The following BMS1 variants were observed in gnomAD, a reference collection of about 807,000 sequenced individuals.
BMS1 encodes BMS1 ribosome biogenesis factor, also known as ribosome biogenesis protein BMS1 homolog.
Under a neutral mutation model 138.7 loss-of-function variants are expected in BMS1, and 53 were observed. The ratio of observed to expected loss-of-function variants is 0.38; its 90% CI spans 0.31 to 0.48. BMS1 has a LOEUF of 0.48. Ranked by LOEUF, BMS1 falls within the 20% of genes least tolerant of loss-of-function variation. The pLI is 0.97. For synonymous variants in BMS1, 504 were observed against 539.9 expected (o/e 0.93, Z 0.92); for missense variants, 1,360 against 1,565.5 (o/e 0.87, Z 2.22).
chr10:42,817,362 C>T lies in BMS1; in HGVS notation c.2448C>T (p.Asp816=), dbSNP rs764802023. 3.5e-5 allele frequency: 56 copies of T among 1,607,404 alleles called. No individual in the cohort carries two copies. Among genetic ancestry groups the T allele is most frequent in the Non-Finnish European group, 4.2e-5 (50 of 1,178,478 alleles). Residue 816 remains aspartate, a synonymous_variant, in exon 15 of 23, where the codon GAC becomes GAT. Coordinates refer to ENST00000374518, the MANE Select transcript of BMS1 (RefSeq NM_014753.4). ...AAGTTAAGGAAGAAATTGACCCCGA[C>T]GAAGAAGAAAGTGCCAAGAAAAAGC... The part of the protein sequence containing the change: ...EKEVKEEIDP[D]EEESAKKKHL...
chr10:42,825,123 C>T (rs564856225), intron 21 of BMS1, among the ~76,000 whole-genome samples: 142 of 152,154 alleles, frequency 9.3e-4, no homozygotes, highest in Non-Finnish European at 1.9e-3. Context: ...ATTCTCCTGC[C>T]TCAGCCTCCC....
intron 20 of BMS1, 58 bp from the exon 21 acceptor site, chr10:42,823,551 G>A (rs1405679105): frequency 3.5e-6 from 5 of 1,414,702 alleles, no homozygotes; most frequent in African/African-American, 1.4e-5. Context: ...TTGTTTCTTC[G>A]CAATATGGAT....
At chr10:42,827,424 A>G (rs1482841522) in intron 21 of BMS1, among the ~76,000 whole-genome samples, 3 of 152,186 alleles carry the variant, frequency 2.0e-5, no homozygotes, top group Non-Finnish European at 2.9e-5. Context: ...GGTGATATAG[A>G]GCAACAAAGC....
chr10:42,797,427 C>T lies in BMS1; in HGVS notation c.1993C>T (p.Leu665Phe). The T allele has an allele frequency of 6.2e-7, 1 of 1,614,128 alleles. No individual in the cohort carries two copies. The highest frequency in any genetic ancestry group is 8.5e-7 in the Non-Finnish European group (1 of 1,180,012). ...NNDSKETSGA[L>F]KWKEDLSRKA... ...GTTGGCATTGGTCGTTTCAGGTGCC[C>T]TCAAGTGGAAGGAAGACCTTTCCAG... Residue 665 changes from leucine (L) to phenylalanine (F), a missense_variant, in exon 11 of 23, where the codon CTC becomes TTC. By Grantham distance (22) the Leu-to-Phe change is conservative (BLOSUM62 0). This residue lies in a region of BMS1 where 697 missense variants were observed against 686.2 expected (regional missense o/e 1.02). Transcript: ENST00000374518.
intron 15 of BMS1, 38 bp from the exon 16 acceptor site, chr10:42,820,198 A>G: frequency 2.5e-6 from 4 of 1,601,588 alleles, no homozygotes; most frequent in Non-Finnish European, 3.4e-6. Flanking sequence ...TATTACAGAT[A>G]ACAGCATACA....
At position 42,831,047 on chromosome 10, in the gene BMS1, G is replaced by A; in HGVS notation, c.3800G>A (p.Arg1267Lys). Reference sequence around the variant, plus strand: ...TTCAGAATTCAGGGGCAGAAGGAAAGAAGAAACCAGAAGTCCAGTTTGAAG... The same window carrying A: ...TTCAGAATTCAGGGGCAGAAGGAAAAAAGAAACCAGAAGTCCAGTTTGAAG... ...KLFRIQGQKERRNQKSSLKGA... is the reference protein window; with the variant it reads ...KLFRIQGQKEKRNQKSSLKGA... The change falls in exon 23 of 23, where the codon AGA becomes AAA. Residue 1267 changes from arginine to lysine, a missense_variant. Arg to Lys is a conservative substitution (Grantham distance 26). This residue lies in a region of BMS1 where 425 missense variants were observed against 568.3 expected (regional missense o/e 0.75). Transcript: ENST00000374518. The A allele has an allele frequency of 6.3e-7, 1 of 1,582,080 alleles. No homozygotes were observed. The highest frequency in any genetic ancestry group is 8.6e-7 in the Non-Finnish European group (1 of 1,162,620).
Position 42,834,377 on chromosome 10 carries a change from G to A in BMS1, c.*3281G>A, listed in dbSNP as rs1268902785. On this transcript the variant is annotated 3_prime_UTR_variant, in exon 23 of 23. Coordinates refer to ENST00000374518, the MANE Select transcript of BMS1 (RefSeq NM_014753.4). The stretch of plus-strand genomic sequence containing the variant: ...CTGATTCAGCTCTCTGGAGGCTCCA[G>A]AGCTTACCTCGCTGATGGGAAAAAG... 7.1e-6 allele frequency: 1 copy of A among 141,476 alleles called. No individual in the cohort carries two copies. The highest frequency in any genetic ancestry group is 1.5e-5 in the Non-Finnish European group (1 of 66,068). The allele number at this position is 141,476 out of a possible 1,614,324, so 8.8% of individuals were successfully genotyped here. A position where few individuals can be genotyped will look rare whatever the true frequency, so the allele number is the denominator to read the frequency against.
intron 13 of BMS1, among the ~76,000 whole-genome samples, chr10:42,813,022 T>G (rs951109449): frequency 6.6e-6 from 1 of 152,158 alleles, no homozygotes; most frequent in African/African-American, 2.4e-5. Context: ...AAATTTTAGA[T>G]CTTAAAATTC....
Position 42,797,519 on chromosome 10 carries a change from G to C in BMS1, c.2085G>C (p.Gly695=). The C allele has an allele frequency of 6.2e-7, 1 of 1,613,928 alleles. No homozygotes were observed. The highest frequency in any genetic ancestry group is 1.7e-4 in the Middle Eastern group (1 of 6,060). The part of the protein sequence containing the change: ...AAPNLRKLIY[G]TVTEDNEEED... ...CAAACCTCCGAAAGCTTATTTATGGGACAGGTAAAGAATTCTGGTTCAGAA... is the reference window on the plus strand; with the variant it reads ...CAAACCTCCGAAAGCTTATTTATGGCACAGGTAAAGAATTCTGGTTCAGAA... Residue 695 remains glycine, a synonymous_variant, in exon 11 of 23, where the codon GGG becomes GGC. Coordinates refer to ENST00000374518, the MANE Select transcript of BMS1 (RefSeq NM_014753.4).
rs1474420450 is a variant in BMS1 at position 42,793,841 on chromosome 10, G to A, written c.1090-11G>A. The A allele has an allele frequency of 6.2e-7, 1 of 1,606,750 alleles. No individual in the cohort carries two copies. Among genetic ancestry groups the A allele is most frequent in the Non-Finnish European group, 8.5e-7 (1 of 1,178,370 alleles). ...CTTTCCTCACGTGCCCTTTCTTGGT[G>A]GTCTTGACAGGATGAAGTGGGGCCC... is the stretch of plus-strand genomic sequence containing the variant. On this transcript the variant is annotated splice_polypyrimidine_tract_variant and intron_variant, in intron 8 of 22. Transcript: ENST00000374518.
chr10:42,805,257 G>A (rs552060122), intron 13 of BMS1, among the ~76,000 whole-genome samples: 26 of 151,896 alleles, frequency 1.7e-4, no homozygotes, highest in Admixed American at 1.6e-3. Context: ...TTTTTTCCCC[G>A]TTGAATTGCC....
At chr10:42,809,211 T>G (rs1048554307) in intron 13 of BMS1, among the ~76,000 whole-genome samples, 1 of 152,204 alleles carries the variant, frequency 6.6e-6, no homozygotes, top group Non-Finnish European at 1.5e-5. Context: ...GGAATATGTT[T>G]TGATAAGTTT....
chr10:42,819,835 A>T (rs1414364801), intron 15 of BMS1, among the ~76,000 whole-genome samples: 6 of 152,086 alleles, frequency 3.9e-5, no homozygotes, highest in African/African-American at 1.4e-4. Context: ...TCTATTGCCC[A>T]GGCTGGAGTG....
intron 9 of BMS1, among the ~76,000 whole-genome samples, chr10:42,794,381 G>A (rs1841607755): frequency 6.6e-6 from 1 of 152,002 alleles, no homozygotes; most frequent in South Asian, 2.1e-4. Context: ...AGATTGTGTT[G>A]TATTATCTCC....
intron 13 of BMS1, among the ~76,000 whole-genome samples, chr10:42,810,800 C>G (rs1842148505): frequency 6.6e-6 from 1 of 152,154 alleles, no homozygotes; most frequent in Non-Finnish European, 1.5e-5. Context: ...CTTGAAGAGA[C>G]CAGCTTGGGT....
Position 42,833,911 on chromosome 10 carries a change from T to C in BMS1, c.*2815T>C, listed in dbSNP as rs1377999357. 6.6e-6 allele frequency: 1 copy of C among 152,242 alleles called. No individual in the cohort carries two copies. Among genetic ancestry groups the C allele is most frequent in the Non-Finnish European group, 1.5e-5 (1 of 68,046 alleles). 9.4% of individuals were successfully genotyped at this position (152,242 alleles called of 1,614,324 possible). A position where few individuals can be genotyped will look rare whatever the true frequency, so the allele number is the denominator to read the frequency against. ...TTGTTGGCACTTGGAGTAGAGCCAC[T>C]GAGCTTCGTGCTGCATAAAATTGCT... is the stretch of plus-strand genomic sequence containing the variant. On this transcript the variant is annotated 3_prime_UTR_variant, in exon 23 of 23. Transcript: ENST00000374518.
chr10:42,833,732 A>G lies in BMS1; in HGVS notation c.*2636A>G, dbSNP rs561686793. 6.6e-6 allele frequency: 1 copy of G among 152,376 alleles called. No individual in the cohort carries two copies. Among genetic ancestry groups the G allele is most frequent in the African/African-American group, 2.4e-5 (1 of 41,598 alleles). The allele number at this position is 152,376 out of a possible 1,614,324, so 9.4% of individuals were successfully genotyped here. A position where few individuals can be genotyped will look rare whatever the true frequency, so the allele number is the denominator to read the frequency against. On this transcript the variant is annotated 3_prime_UTR_variant, in exon 23 of 23. Coordinates refer to ENST00000374518, the MANE Select transcript of BMS1 (RefSeq NM_014753.4). ...TGTGAGTTTGCATCCATCTCATAGG[A>G]AGACATATATCAAAATAAGGACCAG...
At chr10:42,826,909 G>A (rs1380577140) in intron 21 of BMS1, among the ~76,000 whole-genome samples, 2 of 152,178 alleles carry the variant, frequency 1.3e-5, no homozygotes, top group African/African-American at 4.8e-5. Flanking sequence ...AGCTGGGAGG[G>A]GAGGGGCACG....
At chr10:42,813,969 G>A (rs1175667343) in intron 13 of BMS1, among the ~76,000 whole-genome samples, 1 of 152,112 alleles carries the variant, frequency 6.6e-6, no homozygotes, top group Admixed American at 6.5e-5. Flanking sequence ...TTAAGCACTT[G>A]AAAATGTTGT....
Sources: gnomAD v4.1 joint callset for allele counts (sites outside exome capture counted in the v4.1 genomes callset) on GRCh38, gnomAD v4.1.1 for gene constraint, gnomAD v4.1.1 regional missense constraint, MANE v1.5 for transcripts, NCBI Gene and HGNC (gene_info 2026-07-23, HGNC 2026-07-21) for gene names.